Variants in PAPSS1 observed in about 807,000 individuals in gnomAD.
PAPSS1 encodes the protein 3'-phosphoadenosine 5'-phosphosulfate synthase 1, also known as bifunctional 3'-phosphoadenosine 5'-phosphosulfate synthase 1.
In PAPSS1, 50 loss-of-function variants were observed where a neutral mutation model predicts 72.0. The observed-to-expected ratio is 0.69, with a 90% CI of 0.55 to 0.88. PAPSS1 has a LOEUF of 0.88. Among genes scored for constraint, PAPSS1 ranks in the 40% least tolerant of loss-of-function variants. PAPSS1 has a pLI of 0.00. For missense variants in PAPSS1, 657 were observed against 782.2 expected, an observed-to-expected ratio of 0.84 and a Z score of 1.91; for synonymous variants, 261 against 263.6, an observed-to-expected ratio of 0.99 and a Z score of 0.09.
At chr4:107,676,614 G>A (rs1304708335) in intron 5 of PAPSS1, among the ~76,000 whole-genome samples, 1 of 152,124 alleles carries the variant, frequency 6.6e-6, no homozygotes, top group African/African-American at 2.4e-5. Flanking sequence ...ACTGCCCAAG[G>A]TAATTTATAG....
intron 10 of PAPSS1, among the ~76,000 whole-genome samples, chr4:107,636,189 T>C (rs966867919): frequency 1.3e-5 from 2 of 152,186 alleles, no homozygotes; most frequent in Non-Finnish European, 2.9e-5. Context: ...CAGGATTCAT[T>C]ACGGGTTGTC....
intron 1 of PAPSS1, 23 bp from the exon 2 acceptor site, chr4:107,701,308 A>G: frequency 6.5e-7 from 1 of 1,528,444 alleles, no homozygotes; most frequent in Non-Finnish European, 9.0e-7. Flanking sequence ...GAAAAAAAAA[A>G]TTCTAGTTTA....
chr4:107,622,768 G>T (rs1389243302), intron 11 of PAPSS1, among the ~76,000 whole-genome samples: 7 of 152,152 alleles, frequency 4.6e-5, no homozygotes, highest in Non-Finnish European at 8.8e-5. Context: ...AATTTAAATT[G>T]TACACAATAA....
Position 107,614,103 on chromosome 4 carries a change from A to T in PAPSS1, c.*146T>A, listed in dbSNP as rs989619879. On this transcript the variant is annotated 3_prime_UTR_variant, in exon 12 of 12. Coordinates refer to ENST00000265174, the MANE Select transcript of PAPSS1 (RefSeq NM_005443.5). ...TTGTTCAAAACAGAACTCATAAGGC[A>T]GACCAAAACTGATGCAAGTTAAGGA... 3 of 695,498 alleles carry T rather than the reference A, an allele frequency of 4.3e-6. No individual in the cohort carries two copies. The African/African-American group carries it at 5.4e-5, about 12-fold the overall frequency. The allele number at this position is 695,498 out of a possible 1,614,324, so 43.1% of individuals were successfully genotyped here. A position where few individuals can be genotyped will look rare whatever the true frequency, so the allele number is the denominator to read the frequency against.
At chr4:107,681,634 A>G (rs2074376) in intron 5 of PAPSS1, among the ~76,000 whole-genome samples, 27,620 of 152,138 alleles carry the variant, frequency 0.18, 2,956 homozygotes, top group East Asian at 0.37. Context: ...AAATGTGGGC[A>G]CTCTAAATAT....
intron 4 of PAPSS1, among the ~76,000 whole-genome samples, chr4:107,684,451 T>C (rs567264397): frequency 3.9e-5 from 6 of 152,116 alleles, no homozygotes; most frequent in African/African-American, 1.4e-4. Flanking sequence ...GGGGGAAAAT[T>C]TGCACCTTTA....
intron 1 of PAPSS1, among the ~76,000 whole-genome samples, chr4:107,702,267 C>T (rs992613944): frequency 6.6e-5 from 10 of 152,118 alleles, no homozygotes; most frequent in African/African-American, 9.7e-5. Context: ...ACAGCAGCCC[C>T]TCAAAATGTT....
chr4:107,659,815 T>C (rs547180751), intron 6 of PAPSS1, 144 bp downstream of exon 6: 10 of 580,208 alleles, frequency 1.7e-5, no homozygotes, highest in African/African-American at 6.1e-5. Flanking sequence ...TCCCCATCCT[T>C]AGAAATTGTG....
intron 5 of PAPSS1, among the ~76,000 whole-genome samples, chr4:107,672,883 C>CA (rs1727528051): frequency 6.6e-6 from 1 of 152,214 alleles, no homozygotes. Context: ...AACGATCAGG[C>CA]AGCAACATTT....
intron 8 of PAPSS1, 35 bp from the exon 9 acceptor site, chr4:107,653,661 G>A (rs1049165328): frequency 1.0e-5 from 16 of 1,586,812 alleles, no homozygotes; most frequent in African/African-American, 5.4e-5. Context: ...AATGGAAACC[G>A]AGATCAAAAT....
At chr4:107,637,297 T>C (rs1726408759) in intron 10 of PAPSS1, among the ~76,000 whole-genome samples, 1 of 152,208 alleles carries the variant, frequency 6.6e-6, no homozygotes, top group Non-Finnish European at 1.5e-5. Context: ...CATTTGAAAA[T>C]ACTGTCTATC....
At chr4:107,683,097 G>A (rs1722679121) in intron 4 of PAPSS1, among the ~76,000 whole-genome samples, 1 of 151,986 alleles carries the variant, frequency 6.6e-6, no homozygotes, top group Admixed American at 6.6e-5. Flanking sequence ...TACCCCACAC[G>A]TAAGTCATTC....
Position 107,717,617 on chromosome 4 carries a change from A to G in PAPSS1, c.60+2503T>C, listed in dbSNP as rs187414936. On this transcript the variant is annotated intron_variant, in intron 1 of 11. Coordinates refer to ENST00000265174, the MANE Select transcript of PAPSS1 (RefSeq NM_005443.5). The stretch of plus-strand genomic sequence containing the variant: ...GCTTTTAACCACTGTCTCTCATAAT[A>G]TTCACCCTCAGAAATGTAACAAAAA... Among the ~76,000 whole-genome samples the G allele has an allele frequency of 1.2e-4, 19 of 152,264 alleles. No homozygotes were observed. The East Asian group carries it at 3.5e-3, about 28-fold the overall frequency.
rs150408165 is a variant in PAPSS1 at position 107,670,770 on chromosome 4, T to C, written c.670-10698A>G. 3.3e-5 allele frequency among the ~76,000 whole-genome samples: 5 copies of C among 152,314 alleles called. No homozygotes were observed. In the East Asian group the frequency reaches 9.7e-4, roughly 29 times the overall value. ...CCAGGCTGGTCTTGAACTCCTGGCC[T>C]CAAGCAATCTTCCTGCTTCAGTTTC... On this transcript the variant is annotated intron_variant, in intron 5 of 11. Transcript: ENST00000265174.
chr4:107,676,739 C>A (rs1727662345), intron 5 of PAPSS1, among the ~76,000 whole-genome samples: 1 of 152,106 alleles, frequency 6.6e-6, no homozygotes, highest in Non-Finnish European at 1.5e-5. Context: ...CAATCCTAAG[C>A]CAAAAGAACA....
chr4:107,637,969 G>T (rs1356327353), intron 10 of PAPSS1, among the ~76,000 whole-genome samples: 1 of 152,086 alleles, frequency 6.6e-6, no homozygotes, highest in Non-Finnish European at 1.5e-5. Context: ...AATCATAGTG[G>T]CCTGCCTCTT....
At chr4:107,707,013 G>A (rs1246162469) in intron 1 of PAPSS1, among the ~76,000 whole-genome samples, 1 of 152,224 alleles carries the variant, frequency 6.6e-6, no homozygotes, top group Admixed American at 6.5e-5. Flanking sequence ...TATGGGTGCT[G>A]GCCTGGAACC....
At chr4:107,660,266 T>C (rs1727143017) in intron 5 of PAPSS1, among the ~76,000 whole-genome samples, 194 bp from the exon 6 acceptor site, 1 of 152,040 alleles carries the variant, frequency 6.6e-6, no homozygotes, top group African/African-American at 2.4e-5. Flanking sequence ...TTAAGCCCAA[T>C]GTCCCATTAT....
chr4:107,633,031 G>A (rs1726262727), intron 10 of PAPSS1, among the ~76,000 whole-genome samples: 3 of 152,134 alleles, frequency 2.0e-5, no homozygotes, highest in Non-Finnish European at 2.9e-5. Context: ...TCACCCTGAG[G>A]GGTTTCAACT....
Sources: gnomAD v4.1 joint callset for allele counts (sites outside exome capture counted in the v4.1 genomes callset) on GRCh38, gnomAD v4.1.1 for gene constraint, MANE v1.5 for transcripts, NCBI Gene and HGNC (gene_info 2026-07-23, HGNC 2026-07-21) for gene names.